The following IL1RAPL1 variants were observed in gnomAD, a reference collection of about 807,000 sequenced individuals.
The protein encoded by IL1RAPL1 is interleukin 1 receptor accessory protein like 1.
A neutral mutation model predicts 48.4 loss-of-function variants in IL1RAPL1; 3 were observed. That is an observed-to-expected ratio of 0.06 (90% confidence interval 0.03 to 0.16). IL1RAPL1 has a LOEUF of 0.16. Ranked by LOEUF, IL1RAPL1 falls within the 10% of genes least tolerant of loss-of-function variation. The pLI, the probability that IL1RAPL1 is intolerant of heterozygous loss-of-function variation, is 1.00. For synonymous variants in IL1RAPL1, 185 were observed against 187.7 expected, an observed-to-expected ratio of 0.99 and a Z score of 0.12; for missense variants, 349 against 530.6, an observed-to-expected ratio of 0.66 and a Z score of 3.36.
At chrX:29,211,419 T>C (rs1190676948) in intron 2 of IL1RAPL1, among the ~76,000 whole-genome samples, 2 of 111,751 alleles carry the variant, frequency 1.8e-5, no homozygotes, top group Non-Finnish European at 3.8e-5. Context: ...GACCATAAAA[T>C]GTATTATTGA....
intron 2 of IL1RAPL1, among the ~76,000 whole-genome samples, chrX:29,243,598 G>A (rs1931459409): frequency 8.9e-6 from 1 of 112,089 alleles, no homozygotes. Context: ...AGAACAGATG[G>A]AATGAATGGA....
intron 2 of IL1RAPL1, among the ~76,000 whole-genome samples, chrX:28,986,912 A>C (rs1925488784): frequency 8.9e-6 from 1 of 112,030 alleles, no homozygotes; most frequent in Non-Finnish European, 1.9e-5. Context: ...TCCGTGATGT[A>C]ATTTGCATGG....
At chrX:29,265,137 T>C (rs1931929765) in intron 2 of IL1RAPL1, among the ~76,000 whole-genome samples, 1 of 111,100 alleles carries the variant, frequency 9.0e-6, no homozygotes, top group South Asian at 3.8e-4. Context: ...GGTCTCGAAC[T>C]CCTGGCCTCA....
rs1933063632 is a variant in IL1RAPL1, at chrX:29,938,147, G to T, written c.1058-3504G>T. Among the ~76,000 whole-genome samples, 10 of 110,964 alleles carry T rather than the reference G, an allele frequency of 9.0e-5. No homozygotes were observed. In the Admixed American group the frequency reaches 9.6e-4, roughly 11 times the overall value. On this transcript the variant is annotated intron_variant, in intron 8 of 10. Coordinates refer to ENST00000378993, the MANE Select transcript of IL1RAPL1 (RefSeq NM_014271.4). ...AAATGGCTCGTGACATGTAGCAATG[G>T]GAGTAACTCCTATCTGGGTAATTAC...
chrX:29,081,020 C>CTCTCTCTTTTCT (rs1555960745), intron 2 of IL1RAPL1, among the ~76,000 whole-genome samples: 7 of 41,908 alleles, frequency 1.7e-4, no homozygotes, highest in African/African-American at 4.5e-4. Context: ...CTCTCTCTCT[C>CTCTCTCTTTTCT]TTTCTTTTCT....
At position 29,433,457 on chromosome X, in the gene IL1RAPL1, A is replaced by G. The variant is rs190871843; in HGVS notation, c.703+34149A>G. Among the ~76,000 whole-genome samples, 380 of 111,251 alleles carry G rather than the reference A, an allele frequency of 3.4e-3. 2 individuals carry two copies. Among genetic ancestry groups the G allele is most frequent in the African/African-American group, 0.012 (359 of 30,813 alleles). On this transcript the variant is annotated intron_variant, in intron 5 of 10. Transcript: ENST00000378993. ...TATATTTTAAGTAATACTTTGATGA[A>G]TATCATGTCGTATCACATTTGTGCA...
intron 9 of IL1RAPL1, among the ~76,000 whole-genome samples, chrX:29,952,105 T>C (rs1378442567): frequency 8.9e-6 from 1 of 112,013 alleles, no homozygotes; most frequent in Admixed American, 9.5e-5. Context: ...TTTACCAGTA[T>C]GGGTGGACCA....
intron 5 of IL1RAPL1, among the ~76,000 whole-genome samples, chrX:29,429,097 G>A (rs1317618180): frequency 8.9e-6 from 1 of 111,849 alleles, no homozygotes; most frequent in Non-Finnish European, 1.9e-5. Context: ...CATAATGTCA[G>A]GGCACATTTG....
intron 2 of IL1RAPL1, among the ~76,000 whole-genome samples, chrX:28,820,840 A>G (rs1936929170): frequency 1.8e-5 from 2 of 111,080 alleles, no homozygotes; most frequent in Admixed American, 1.9e-4. Context: ...GCCCTTGGAA[A>G]CTAATGGCCC....
At chrX:29,230,504 C>CAAAAAAAAAAAAAAACAAAAAAAAAAAAA (rs1931170807) in intron 2 of IL1RAPL1, among the ~76,000 whole-genome samples, 1 of 16,591 alleles carries the variant, frequency 6.0e-5, no homozygotes, top group Admixed American at 1.2e-3. Context: ...GTCCCTTTAC[C>CAAAAAAAAAAAAAAACAAAAAAAAAAAAA]AAAAAAAAAA....
At chrX:28,739,113 C>G (rs754757727) in intron 1 of IL1RAPL1, among the ~76,000 whole-genome samples, 1 of 111,350 alleles carries the variant, frequency 9.0e-6, no homozygotes, top group Non-Finnish European at 1.9e-5. Flanking sequence ...TGGGTCTTGA[C>G]ACTTGTAGTT....
chrX:29,010,454 G>C lies in IL1RAPL1; in HGVS notation c.82+221029G>C, dbSNP rs73454727. Reference sequence around the variant, plus strand: ...TTTCCGGAGGGTTTTTATCATGAAGGGATGTTGAATTTCATCGAAAGCTTT... The same window carrying C: ...TTTCCGGAGGGTTTTTATCATGAAGCGATGTTGAATTTCATCGAAAGCTTT... On this transcript the variant is annotated intron_variant, in intron 2 of 10. Coordinates refer to ENST00000378993, the MANE Select transcript of IL1RAPL1 (RefSeq NM_014271.4). Among the ~76,000 whole-genome samples the C allele has an allele frequency of 2.3e-3, 257 of 111,423 alleles. 1 individual carries two copies. Among genetic ancestry groups the C allele is most frequent in the African/African-American group, 7.5e-3 (230 of 30,698 alleles).
rs182779787 is a variant in IL1RAPL1, at chrX:29,864,528, G to C, written c.779-52936G>C. Reference sequence around the variant, plus strand: ...AAATGAGTTTCCATTGGTGTAATTTGTGGTTTCCCCATGTGTGTACTGGCC... The same window carrying C: ...AAATGAGTTTCCATTGGTGTAATTTCTGGTTTCCCCATGTGTGTACTGGCC... On this transcript the variant is annotated intron_variant, in intron 6 of 10. Coordinates refer to ENST00000378993, the MANE Select transcript of IL1RAPL1 (RefSeq NM_014271.4). Among the ~76,000 whole-genome samples, 48 of 112,048 alleles carry C rather than the reference G, an allele frequency of 4.3e-4. No homozygotes were observed. The East Asian group carries it at 6.2e-3, about 15-fold the overall frequency.
chrX:28,859,467 C>T (rs902790982), intron 2 of IL1RAPL1, among the ~76,000 whole-genome samples: 10 of 111,001 alleles, frequency 9.0e-5, no homozygotes, highest in Admixed American at 6.8e-4. Flanking sequence ...ACCATGTTGG[C>T]GAGGATAGTC....
chrX:29,377,896 G>A (rs1469681560), intron 3 of IL1RAPL1, among the ~76,000 whole-genome samples: 3 of 110,871 alleles, frequency 2.7e-5, no homozygotes, highest in Non-Finnish European at 5.7e-5. Context: ...GAATTTGTAC[G>A]TCAACTTCTC....
At chrX:29,650,972 T>G (rs1053397958) in intron 5 of IL1RAPL1, among the ~76,000 whole-genome samples, 5 of 110,572 alleles carry the variant, frequency 4.5e-5, no homozygotes, top group African/African-American at 1.3e-4. Context: ...TAGACAGGTA[T>G]AGACATTTCT....
intron 3 of IL1RAPL1, among the ~76,000 whole-genome samples, chrX:29,371,995 C>T (rs1052390562): frequency 8.9e-6 from 1 of 112,186 alleles, no homozygotes; most frequent in African/African-American, 3.2e-5. Context: ...TTTGAGAAGT[C>T]TCCAAGCTGT....
intron 6 of IL1RAPL1, among the ~76,000 whole-genome samples, chrX:29,703,425 C>T (rs1927107030): frequency 9.0e-6 from 1 of 110,938 alleles, no homozygotes; most frequent in Non-Finnish European, 1.9e-5. Flanking sequence ...TCACTGCAAG[C>T]TCCGCCTCCC....
At chrX:29,352,780 A>G (rs1933250195) in intron 3 of IL1RAPL1, among the ~76,000 whole-genome samples, 1 of 109,837 alleles carries the variant, frequency 9.1e-6, no homozygotes, top group Non-Finnish European at 1.9e-5. Context: ...CTTGTGAACT[A>G]TTTGATAACT....
Sources: gnomAD v4.1 joint callset for allele counts (sites outside exome capture counted in the v4.1 genomes callset) on GRCh38, gnomAD v4.1.1 for gene constraint, MANE v1.5 for transcripts, NCBI Gene and HGNC (gene_info 2026-07-23, HGNC 2026-07-21) for gene names.